HMGCLL1: variants seen among roughly 807,000 people sequenced by gnomAD.
HMGCLL1 encodes the protein 3-hydroxymethyl-3-methylglutaryl-CoA lyase, cytoplasmic.
In HMGCLL1, 36 loss-of-function variants were observed where a neutral mutation model predicts 39.1. The ratio of observed to expected loss-of-function variants is 0.92; its 90% confidence interval spans 0.71 to 1.22. The LOEUF is 1.22. HMGCLL1 is among the 50% of genes most tolerant of loss of function. HMGCLL1 has a pLI of 0.00. For missense variants in HMGCLL1, 451 were observed against 416.5 expected (o/e 1.08, Z -0.72); for synonymous variants, 149 against 144.0 (o/e 1.03, Z -0.25).
intron 3 of HMGCLL1, among the ~76,000 whole-genome samples, chr6:55,535,198 A>G (rs561222966): frequency 2.6e-5 from 4 of 152,356 alleles, no homozygotes; most frequent in South Asian, 2.1e-4. Flanking sequence ...TATTTGTTAT[A>G]TAAGAAATTC....
chr6:55,581,458 A>T (rs948896842), upstream of HMGCLL1, among the ~76,000 whole-genome samples: 15 of 152,254 alleles, frequency 9.9e-5, no homozygotes, highest in African/African-American at 3.6e-4. Context: ...GTTAAAATAG[A>T]TGTGATTTTA....
intron 7 of HMGCLL1, among the ~76,000 whole-genome samples, chr6:55,484,860 T>G (rs1046292184): frequency 3.9e-5 from 6 of 152,138 alleles, no homozygotes; most frequent in African/African-American, 1.4e-4. Context: ...AACAGAGCAG[T>G]CAGAATGATC....
At chr6:55,606,763 C>A in the HMGCLL1 span, among the ~76,000 whole-genome samples, 2 of 151,994 alleles carry the variant, frequency 1.3e-5, no homozygotes, top group Non-Finnish European at 1.5e-5. Context: ...AGGGACTTTA[C>A]GCATGTGATT....
chr6:55,548,642 T>C (rs1770130021), intron 1 of HMGCLL1, among the ~76,000 whole-genome samples: 1 of 151,996 alleles, frequency 6.6e-6, no homozygotes. Flanking sequence ...AAAAGTAGCT[T>C]CAGCAATAAA....
intron 6 of HMGCLL1, among the ~76,000 whole-genome samples, chr6:55,498,714 TAATGACTATA>T (rs1336439373): frequency 6.6e-6 from 1 of 152,126 alleles, no homozygotes; most frequent in South Asian, 2.1e-4. Flanking sequence ...ATCAGGGCCT[TAATGACTATA>T]ACCTATTGCT....
chr6:55,483,899 G>C (rs560713218), intron 7 of HMGCLL1, among the ~76,000 whole-genome samples: 18 of 152,288 alleles, frequency 1.2e-4, no homozygotes, highest in Admixed American at 5.9e-4. Context: ...TCACAGAATA[G>C]AAATTCCAGA....
At chr6:55,437,547 G>A (rs1023620712) in intron 8 of HMGCLL1, among the ~76,000 whole-genome samples, 10 of 151,934 alleles carry the variant, frequency 6.6e-5, no homozygotes, top group African/African-American at 2.4e-4. Flanking sequence ...GCAGAGAGAA[G>A]AGCAGTCCAA....
the HMGCLL1 span, among the ~76,000 whole-genome samples, chr6:55,607,004 CATAAG>C: frequency 6.6e-6 from 1 of 152,084 alleles, no homozygotes; most frequent in Non-Finnish European, 1.5e-5. Flanking sequence ...CTTCTAGAAT[CATAAG>C]ATTTGTTATT....
chr6:55,674,892 A>G, the HMGCLL1 span, among the ~76,000 whole-genome samples: 1 of 152,094 alleles, frequency 6.6e-6, no homozygotes, highest in East Asian at 1.9e-4. Flanking sequence ...TAAATTAGAC[A>G]TCTGCTGAGT....
At chr6:55,466,169 A>C (rs1473525796) in intron 7 of HMGCLL1, among the ~76,000 whole-genome samples, 1 of 152,096 alleles carries the variant, frequency 6.6e-6, no homozygotes, top group Non-Finnish European at 1.5e-5. Context: ...GAATCTGAGC[A>C]AGATTATGCC....
At chr6:55,602,223 C>T in the HMGCLL1 span, among the ~76,000 whole-genome samples, 2 of 152,022 alleles carry the variant, frequency 1.3e-5, no homozygotes, top group African/African-American at 2.4e-5. Flanking sequence ...TCTCTGGCTC[C>T]AGGAGATACC....
chr6:55,537,737 A>G (rs1769113583), intron 3 of HMGCLL1, among the ~76,000 whole-genome samples: 1 of 152,140 alleles, frequency 6.6e-6, no homozygotes, highest in African/African-American at 2.4e-5. Context: ...ACTCAAGTTC[A>G]AGGCAGAATG....
At chr6:55,619,969 C>T in the HMGCLL1 span, among the ~76,000 whole-genome samples, 2 of 152,214 alleles carry the variant, frequency 1.3e-5, no homozygotes, top group South Asian at 4.1e-4. Context: ...GCTTATATCG[C>T]TTAACATAAT....
intron 7 of HMGCLL1, among the ~76,000 whole-genome samples, chr6:55,460,206 G>C (rs1290845095): frequency 1.3e-5 from 2 of 151,916 alleles, no homozygotes; most frequent in Non-Finnish European, 2.9e-5. Flanking sequence ...CTTCCAGGCA[G>C]TCTCTCACTA....
At chr6:55,526,232 C>T (rs1308119213) in intron 3 of HMGCLL1, among the ~76,000 whole-genome samples, 2 of 151,934 alleles carry the variant, frequency 1.3e-5, no homozygotes, top group South Asian at 2.1e-4. Context: ...CAGCATTATG[C>T]CCACTATTTC....
At chr6:55,630,514 A>T in the HMGCLL1 span, among the ~76,000 whole-genome samples, 1 of 152,040 alleles carries the variant, frequency 6.6e-6, no homozygotes, top group South Asian at 2.1e-4. Flanking sequence ...GACTGTTTGG[A>T]AGGCATGATT....
chr6:55,627,409 A>G, the HMGCLL1 span, among the ~76,000 whole-genome samples: 2 of 152,128 alleles, frequency 1.3e-5, no homozygotes, highest in East Asian at 3.9e-4. Context: ...GTATTACATT[A>G]GGCGTAATTA....
At chr6:55,658,978 AG>A in the HMGCLL1 span, among the ~76,000 whole-genome samples, 1 of 151,932 alleles carries the variant, frequency 6.6e-6, no homozygotes, top group African/African-American at 2.4e-5. Flanking sequence ...GAACTGAAAG[AG>A]GGGGCAGAGT....
At chr6:55,651,605 G>A in the HMGCLL1 span, among the ~76,000 whole-genome samples, 1 of 152,030 alleles carries the variant, frequency 6.6e-6, no homozygotes, top group Admixed American at 6.6e-5. Context: ...TTCTCCCTAG[G>A]TCATGTGCCA....
Sources: allele counts gnomAD v4.1 joint callset (sites outside exome capture counted in the v4.1 genomes callset), GRCh38; gene constraint gnomAD v4.1.1; transcripts MANE v1.5; gene names NCBI Gene and HGNC (gene_info 2026-07-23, HGNC 2026-07-21).